Variants in STXBP5L observed in about 807,000 individuals in gnomAD.
STXBP5L encodes the protein syntaxin binding protein 5L.
Under a neutral mutation model 144.5 loss-of-function variants are expected in STXBP5L, and 65 were observed. That is an observed-to-expected ratio of 0.45 (90% CI 0.37 to 0.55). The LOEUF (loss-of-function observed/expected upper bound fraction) is 0.55. Ranked by LOEUF, STXBP5L falls within the 20% of genes least tolerant of loss-of-function variation. STXBP5L has a pLI of 0.00. For synonymous variants in STXBP5L, 505 were observed against 469.6 expected (o/e 1.08, Z -0.97); for missense variants, 1,298 against 1,405.5 (o/e 0.92, Z 1.22).
intron 7 of STXBP5L, among the ~76,000 whole-genome samples, chr3:121,139,490 G>A (rs1445779327): frequency 6.6e-6 from 1 of 152,080 alleles, no homozygotes; most frequent in Non-Finnish European, 1.5e-5. Context: ...CGTGTTGCTT[G>A]TAAGTATCAG....
chr3:121,166,196 A>G (rs899067891), intron 9 of STXBP5L, among the ~76,000 whole-genome samples: 2 of 151,920 alleles, frequency 1.3e-5, no homozygotes, highest in Non-Finnish European at 2.9e-5. Flanking sequence ...TTGTAGACAC[A>G]GGTTTTCGAA....
intron 3 of STXBP5L, among the ~76,000 whole-genome samples, chr3:121,003,722 T>G (rs1449742966): frequency 4.6e-5 from 7 of 152,308 alleles, no homozygotes; most frequent in Non-Finnish European, 5.9e-5. Flanking sequence ...CTTGAATTAA[T>G]TTTTGTATAA....
At chr3:121,330,671 C>G (rs954579071) in intron 20 of STXBP5L, among the ~76,000 whole-genome samples, 4 of 152,116 alleles carry the variant, frequency 2.6e-5, no homozygotes, top group Admixed American at 2.6e-4. Flanking sequence ...AATGCTACCC[C>G]CTGGCTGGAG....
intron 3 of STXBP5L, among the ~76,000 whole-genome samples, chr3:120,990,374 C>A (rs1406873931): frequency 1.3e-5 from 2 of 152,084 alleles, no homozygotes; most frequent in Admixed American, 1.3e-4. Flanking sequence ...TGAAAATGGC[C>A]ATACTGCCCA....
At chr3:121,412,970 T>C (rs2047152675) in intron 23 of STXBP5L, among the ~76,000 whole-genome samples, 188 bp from the exon 24 acceptor site, 1 of 151,808 alleles carries the variant, frequency 6.6e-6, no homozygotes, top group Admixed American at 6.6e-5. Context: ...GAAGGCAAGA[T>C]TGCAGTGAGC....
At chr3:121,219,407 G>A (rs1229687872) in intron 10 of STXBP5L, among the ~76,000 whole-genome samples, 1 of 152,048 alleles carries the variant, frequency 6.6e-6, no homozygotes, top group Admixed American at 6.6e-5. Context: ...GTCTCTTACT[G>A]GACTGCATAG....
intron 20 of STXBP5L, among the ~76,000 whole-genome samples, 155 bp from the exon 21 acceptor site, chr3:121,378,561 A>G (rs2046249323): frequency 1.3e-5 from 2 of 152,228 alleles, no homozygotes; most frequent in African/African-American, 4.8e-5. Flanking sequence ...TAAAATTATG[A>G]CTAAGTCTTA....
chr3:121,230,886 T>C (rs969307744), intron 11 of STXBP5L, among the ~76,000 whole-genome samples: 2 of 152,160 alleles, frequency 1.3e-5, no homozygotes, highest in Non-Finnish European at 2.9e-5. Flanking sequence ...AGCAAAGTAG[T>C]CGGGCGGACC....
At chr3:121,032,593 C>G (rs1946450380) in intron 3 of STXBP5L, among the ~76,000 whole-genome samples, 1 of 141,404 alleles carries the variant, frequency 7.1e-6, no homozygotes, top group Non-Finnish European at 1.5e-5. Context: ...AACTAAAGAG[C>G]TTCTGCACAG....
chr3:121,318,182 G>T lies in STXBP5L; in HGVS notation c.2111-293G>T, dbSNP rs542573213. Among the ~76,000 whole-genome samples the T allele has an allele frequency of 3.3e-5, 5 of 151,982 alleles. No individual in the cohort carries two copies. The South Asian group carries it at 8.3e-4, about 25-fold the overall frequency. On this transcript the variant is annotated intron_variant, in intron 19 of 26. Transcript: ENST00000471454. ...TAAACAAATTTTCAGAATAGGCCAG[G>T]CATGGTGGCTCACACCTGTAATCCC...
chr3:121,153,284 A>T (rs1218889770), intron 8 of STXBP5L, among the ~76,000 whole-genome samples: 1 of 152,006 alleles, frequency 6.6e-6, no homozygotes, highest in Non-Finnish European at 1.5e-5. Flanking sequence ...TAATAAGAAG[A>T]CCGTAAAACT....
intron 7 of STXBP5L, among the ~76,000 whole-genome samples, chr3:121,127,776 G>A (rs967200444): frequency 1.3e-5 from 2 of 151,854 alleles, no homozygotes; most frequent in African/African-American, 2.4e-5. Flanking sequence ...ATATAGATAA[G>A]CCTGAGAATA....
At chr3:121,122,198 C>T (rs572674911) in intron 7 of STXBP5L, among the ~76,000 whole-genome samples, 1 of 150,072 alleles carries the variant, frequency 6.7e-6, no homozygotes, top group South Asian at 2.1e-4. Flanking sequence ...CAGTTGAAAA[C>T]ATGAAAATTA....
intron 10 of STXBP5L, among the ~76,000 whole-genome samples, chr3:121,217,226 G>T (rs1036353904): frequency 6.6e-6 from 1 of 152,134 alleles, no homozygotes; most frequent in African/African-American, 2.4e-5. Context: ...TGCCAGCGAG[G>T]TATGAAAAGA....
chr3:121,132,061 A>G (rs533331449), intron 7 of STXBP5L, among the ~76,000 whole-genome samples: 1 of 152,274 alleles, frequency 6.6e-6, no homozygotes, highest in African/African-American at 2.4e-5. Flanking sequence ...CAATTTTTCC[A>G]AAGGGGCTCC....
At chr3:121,072,305 G>A (rs1235522823) in intron 5 of STXBP5L, among the ~76,000 whole-genome samples, 1 of 152,194 alleles carries the variant, frequency 6.6e-6, no homozygotes, top group Non-Finnish European at 1.5e-5. Context: ...TTTTCACAGG[G>A]TATAACTCCA....
chr3:121,143,220 C>T (rs993182058), intron 7 of STXBP5L, among the ~76,000 whole-genome samples: 26 of 149,964 alleles, frequency 1.7e-4, no homozygotes, highest in Middle Eastern at 3.4e-3. Context: ...AACCTTTTAA[C>T]GAGGAAAAGC....
chr3:121,069,531 A>G (rs1576847019), intron 5 of STXBP5L, among the ~76,000 whole-genome samples: 1 of 152,124 alleles, frequency 6.6e-6, no homozygotes, highest in East Asian at 1.9e-4. Context: ...GCCGGGTTGT[A>G]TGACATTTGT....
At chr3:121,106,106 C>A (rs896596874) in intron 5 of STXBP5L, among the ~76,000 whole-genome samples, 3 of 152,102 alleles carry the variant, frequency 2.0e-5, no homozygotes, top group African/African-American at 7.2e-5. Flanking sequence ...TGTAATTAAT[C>A]TCTTCCTTCT....
Sources: allele counts gnomAD v4.1 joint callset (sites outside exome capture counted in the v4.1 genomes callset), GRCh38; gene constraint gnomAD v4.1.1; transcripts MANE v1.5; gene names NCBI Gene and HGNC (gene_info 2026-07-23, HGNC 2026-07-21).